Variants in DSCAM observed in about 807,000 individuals in gnomAD.
DSCAM encodes cell adhesion molecule DSCAM.
A neutral mutation model predicts 217.7 loss-of-function variants in DSCAM; 47 were observed. That is an observed-to-expected ratio of 0.22 (90% CI 0.17 to 0.28). The LOEUF (loss-of-function observed/expected upper bound fraction) is 0.28, where lower values mean the gene tolerates loss of function less well. Ranked by LOEUF, DSCAM falls within the 10% of genes least tolerant of loss-of-function variation. The pLI is 1.00. For missense variants in DSCAM, 2,080 were observed against 2,618.3 expected, an observed-to-expected ratio of 0.79 and a Z score of 4.49; for synonymous variants, 1,056 against 1,015.3, an observed-to-expected ratio of 1.04 and a Z score of -0.76.
chr21:40,165,600 G>A (rs915945334), intron 16 of DSCAM, among the ~76,000 whole-genome samples: 1 of 152,216 alleles, frequency 6.6e-6, no homozygotes, highest in African/African-American at 2.4e-5. Flanking sequence ...GCTTTCTACA[G>A]AGAGAGAAAG....
At chr21:40,706,417 T>A (rs901134273) in intron 2 of DSCAM, among the ~76,000 whole-genome samples, 1 of 152,126 alleles carries the variant, frequency 6.6e-6, no homozygotes, top group African/African-American at 2.4e-5. Flanking sequence ...TAATGAGACA[T>A]GATGAGTAAA....
intron 11 of DSCAM, among the ~76,000 whole-genome samples, chr21:40,256,143 G>A (rs1397825136): frequency 1.3e-5 from 2 of 152,180 alleles, no homozygotes; most frequent in Non-Finnish European, 2.9e-5. Flanking sequence ...TTAAAATGCA[G>A]CATACCCTGA....
At chr21:40,218,313 C>T (rs998693878) in intron 11 of DSCAM, among the ~76,000 whole-genome samples, 1 of 152,040 alleles carries the variant, frequency 6.6e-6, no homozygotes, top group Non-Finnish European at 1.5e-5. Context: ...AGATGTGTGA[C>T]CTTATTTCTG....
intron 20 of DSCAM, among the ~76,000 whole-genome samples, chr21:40,095,679 A>G (rs75059708): frequency 0.01 from 1,583 of 152,290 alleles, 32 homozygotes; most frequent in African/African-American, 0.036. Context: ...GTTGAAGTTA[A>G]AAGTGAATGA....
In DSCAM at chr21:40,042,485, G is replaced by T; in HGVS notation, c.5572C>A (p.Leu1858Met). 1.2e-6 allele frequency: 2 copies of T among 1,614,198 alleles called. No homozygotes were observed. The highest frequency in any genetic ancestry group is 1.7e-6 in the Non-Finnish European group (2 of 1,180,040). ...GATTCGGAAGGGGTGCTGGAGGTCA[G>T]ACTGTCCGTGTACTCATTTGTCCCT... Reference protein sequence around the residue: ...TAGTNEYTDSLTSSTPSESGI... With the variant: ...TAGTNEYTDSMTSSTPSESGI... Residue 1858 changes from leucine to methionine, a missense_variant, in exon 32 of 33, where the codon CTG (leucine) becomes ATG (methionine). Physicochemically the swap from Leu to Met is conservative, Grantham distance 15. Around this residue, in one of 5 missense-constraint regions of DSCAM, gnomAD observed 1,144 missense variants for 1,421.1 expected, o/e 0.81. Transcript: ENST00000400454.
chr21:40,614,280 T>A (rs2089357743), intron 3 of DSCAM, among the ~76,000 whole-genome samples: 1 of 152,222 alleles, frequency 6.6e-6, no homozygotes, highest in African/African-American at 2.4e-5. Flanking sequence ...TTCCTTTTCA[T>A]GTACTTGGTA....
rs115719587 is a variant in DSCAM at position 40,469,772 on chromosome 21, C to T, written c.509-100527G>A. 6.9e-3 allele frequency among the ~76,000 whole-genome samples: 1,047 copies of T among 152,090 alleles called. 14 individuals carry two copies. The highest frequency in any genetic ancestry group is 0.023 in the African/African-American group (962 of 41,500). On this transcript the variant is annotated intron_variant, in intron 3 of 32. Transcript: ENST00000400454. Reference sequence around the variant, plus strand: ...TAAAAAATAATGAGAGTGATTTCTTCGTGGGAGGAAAACGGGGAATGCATT... The same window carrying T: ...TAAAAAATAATGAGAGTGATTTCTTTGTGGGAGGAAAACGGGGAATGCATT...
intron 11 of DSCAM, among the ~76,000 whole-genome samples, chr21:40,202,568 G>T (rs2091081557): frequency 6.6e-6 from 1 of 152,140 alleles, no homozygotes; most frequent in Non-Finnish European, 1.5e-5. Context: ...CCCCCTCCTA[G>T]GGTTGCTGTA....
chr21:40,521,284 T>C (rs1281212050), intron 3 of DSCAM, among the ~76,000 whole-genome samples: 1 of 152,228 alleles, frequency 6.6e-6, no homozygotes, highest in Non-Finnish European at 1.5e-5. Flanking sequence ...GGAGTGAAAG[T>C]ACTGGATCAT....
At chr21:40,803,944 C>T (rs1211196001) in intron 1 of DSCAM, among the ~76,000 whole-genome samples, 4 of 152,164 alleles carry the variant, frequency 2.6e-5, no homozygotes, top group African/African-American at 9.7e-5. Context: ...GACCATTTCT[C>T]CTTCTCTAAC....
intron 1 of DSCAM, among the ~76,000 whole-genome samples, chr21:40,833,944 A>T (rs1257618155): frequency 1.3e-5 from 2 of 152,138 alleles, no homozygotes; most frequent in African/African-American, 4.8e-5. Flanking sequence ...TCCAGATGCC[A>T]GTAGCAACCC....
chr21:40,600,712 C>T (rs952714027), intron 3 of DSCAM, among the ~76,000 whole-genome samples: 77 of 152,202 alleles, frequency 5.1e-4, no homozygotes, highest in African/African-American at 1.8e-3. Context: ...TGTTAAAGCA[C>T]GTATTGTAAA....
intron 6 of DSCAM, 25 bp from the exon 7 acceptor site, chr21:40,339,440 A>G (rs780574852): frequency 1.3e-5 from 20 of 1,565,756 alleles, no homozygotes; most frequent in Admixed American, 1.8e-5. Flanking sequence ...ATTATGGAAG[A>G]AAGTGGCACA....
At chr21:40,762,219 C>T (rs1449876513) in intron 1 of DSCAM, among the ~76,000 whole-genome samples, 1 of 151,628 alleles carries the variant, frequency 6.6e-6, no homozygotes, top group Non-Finnish European at 1.5e-5. Context: ...ACTAGATAGA[C>T]TAATAAAGAA....
At chr21:40,482,717 T>C (rs189678629) in intron 3 of DSCAM, among the ~76,000 whole-genome samples, 11 of 152,284 alleles carry the variant, frequency 7.2e-5, no homozygotes, top group African/African-American at 2.4e-4. Flanking sequence ...AATTTTTGAG[T>C]CTCACTGTTT....
intron 3 of DSCAM, chr21:40,621,437 A>T (rs1278097586): frequency 6.6e-6 from 1 of 152,102 alleles, no homozygotes; most frequent in Non-Finnish European, 1.5e-5. Context: ...ATTTTAGGAA[A>T]GTATAAATTC....
Position 40,097,546 on chromosome 21 carries a change from G to C in DSCAM, c.3697-3672C>G, listed in dbSNP as rs2089690911. On this transcript the variant is annotated intron_variant, in intron 20 of 32. Coordinates refer to ENST00000400454, the MANE Select transcript of DSCAM (RefSeq NM_001389.5). ...CTACACAGAGTTAAACATAAACATAGTAATAATAATTTTAAGTATAAATGA... is the reference window on the plus strand; with the variant it reads ...CTACACAGAGTTAAACATAAACATACTAATAATAATTTTAAGTATAAATGA... Among the ~76,000 whole-genome samples, 3 of 152,198 alleles carry C rather than the reference G, an allele frequency of 2.0e-5. 1 individual carries two copies. The South Asian group carries it at 6.2e-4, about 32-fold the overall frequency.
chr21:40,251,577 C>T (rs752265610), intron 11 of DSCAM, among the ~76,000 whole-genome samples: 24 of 152,102 alleles, frequency 1.6e-4, no homozygotes, highest in Middle Eastern at 3.2e-3. Context: ...CAGCTCTACC[C>T]TTTCCTGTAC....
intron 11 of DSCAM, among the ~76,000 whole-genome samples, chr21:40,230,378 C>T (rs1020856197): frequency 3.3e-5 from 5 of 152,096 alleles, no homozygotes; most frequent in Admixed American, 6.5e-5. Flanking sequence ...TAATAGAAAT[C>T]GGACTATTCA....
Sources: allele counts gnomAD v4.1 joint callset (sites outside exome capture counted in the v4.1 genomes callset), GRCh38; gene constraint gnomAD v4.1.1; regional missense constraint gnomAD v4.1.1; transcripts MANE v1.5; gene names NCBI Gene and HGNC (gene_info 2026-07-23, HGNC 2026-07-21).